Variants in PTPDC1 observed in about 807,000 individuals in gnomAD.
The protein encoded by PTPDC1 is protein tyrosine phosphatase domain containing 1, also known as protein tyrosine phosphatase domain-containing protein 1.
In PTPDC1, 53 loss-of-function variants were observed where a neutral mutation model predicts 75.3. The ratio of observed to expected loss-of-function variants is 0.70; its 90% confidence interval spans 0.56 to 0.88. The LOEUF (loss-of-function observed/expected upper bound fraction) is 0.88. Ranked by LOEUF, PTPDC1 falls within the 40% of genes least tolerant of loss-of-function variation. The pLI is 0.00. For synonymous variants in PTPDC1, 349 were observed against 366.2 expected (o/e 0.95, Z 0.54); for missense variants, 925 against 998.6 (o/e 0.93, Z 0.99).
chr9:94,092,026 A>G (rs1420681846), intron 4 of PTPDC1, among the ~76,000 whole-genome samples: 3 of 146,812 alleles, frequency 2.0e-5, no homozygotes, highest in Non-Finnish European at 4.5e-5. Flanking sequence ...GATCTTTTCA[A>G]AAAACAAGCT....
At position 94,084,598 on chromosome 9, in the gene PTPDC1, G is replaced by A. The variant is rs781076359; in HGVS notation, c.68G>A (p.Arg23His). The change falls in exon 1 of 9, where the codon CGC (arginine) becomes CAC (histidine). Residue 23 changes from arginine to histidine, a missense_variant. Arg to His is a conservative substitution (Grantham distance 29). Transcript: ENST00000620992. ...TTCCTCAGCTCCTTTCTCCAGGGCC[G>A]CCGGCACTCCACCTCAGACCCAGTA... ...VRFLSSFLQG[R>H]RHSTSDPVLR... The A allele has an allele frequency of 4.3e-6, 7 of 1,613,550 alleles. No homozygotes were observed. The highest frequency in any genetic ancestry group is 2.2e-5 in the East Asian group (1 of 44,844).
intron 2 of PTPDC1, among the ~76,000 whole-genome samples, chr9:94,077,784 T>G (rs1290192589): frequency 1.3e-5 from 2 of 152,226 alleles, no homozygotes; most frequent in Non-Finnish European, 1.5e-5. Context: ...AAGCTGGATT[T>G]GGTGCTGAAA....
chr9:94,036,846 A>G (rs1825288682), intron 1 of PTPDC1, among the ~76,000 whole-genome samples: 1 of 152,204 alleles, frequency 6.6e-6, no homozygotes, highest in Non-Finnish European at 1.5e-5. Flanking sequence ...ATTTCTATAC[A>G]TTACAATTCA....
intron 1 of PTPDC1, among the ~76,000 whole-genome samples, chr9:94,036,968 T>G (rs190346443): frequency 6.6e-6 from 1 of 152,242 alleles, no homozygotes; most frequent in Non-Finnish European, 1.5e-5. Context: ...AACATTCTTT[T>G]ATTAAATTTT....
In PTPDC1 at chr9:94,043,549, C is replaced by T. The variant is rs559878877; in HGVS notation, c.-7+12422C>T. 2.9e-4 allele frequency among the ~76,000 whole-genome samples: 44 copies of T among 152,154 alleles called. 1 individual carries two copies. The highest frequency in any genetic ancestry group is 1.0e-3 in the African/African-American group (43 of 41,514). ...CCTAAATTTCTGAAAATGACTCCCC[C>T]CCTCTACAAAAAATACAATAAATGA... On this transcript the variant is annotated intron_variant, in intron 1 of 9. Coordinates refer to the PTPDC1 transcript ENST00000375360.
At chr9:94,075,943 A>G (rs1375657607) in intron 2 of PTPDC1, among the ~76,000 whole-genome samples, 1 of 152,172 alleles carries the variant, frequency 6.6e-6, no homozygotes, top group Non-Finnish European at 1.5e-5. Context: ...GAAGATTATT[A>G]TCACCCCAAA....
rs770263607 is a variant in PTPDC1, at chr9:94,098,265, A to T, written c.1699A>T (p.Lys567Ter). ...PVSPSFANVHKDPNPAHQQVS... is the reference protein window; with the variant it reads ...PVSPSFANVH ...TTCACCCAGCTTTGCAAATGTCCAT[A>T]AGGATCCAAACCCTGCTCACCAGCA... Residue 567 changes from lysine to a stop codon, truncating the protein, a stop_gained, in exon 6 of 9, where the codon AAG becomes TAG. Transcript: ENST00000620992. LOFTEE classifies it high-confidence loss of function. 1 of 1,614,050 alleles carries T rather than the reference A, an allele frequency of 6.2e-7. No individual in the cohort carries two copies. The highest frequency in any genetic ancestry group is 1.3e-5 in the African/African-American group (1 of 74,936).
At chr9:94,074,947 G>A (rs963515066) in intron 2 of PTPDC1, among the ~76,000 whole-genome samples, 1 of 152,186 alleles carries the variant, frequency 6.6e-6, no homozygotes, top group African/African-American at 2.4e-5. Context: ...GGATGAGAAC[G>A]AAGGTTCAGG....
At chr9:94,099,309 C>G (rs1269140303) in intron 6 of PTPDC1, among the ~76,000 whole-genome samples, 1 of 152,178 alleles carries the variant, frequency 6.6e-6, no homozygotes, top group Non-Finnish European at 1.5e-5. Context: ...AAAAGATAGG[C>G]CTTATAAACC....
chr9:94,063,452 C>T (rs1826205372), intron 1 of PTPDC1, among the ~76,000 whole-genome samples: 1 of 152,138 alleles, frequency 6.6e-6, no homozygotes, highest in African/African-American at 2.4e-5. Context: ...ATTTGAAATA[C>T]TATGCACATT....
rs1206141728 is a variant in PTPDC1, at chr9:94,107,987, G to C, written c.*43G>C. 1 of 1,191,090 alleles carries C rather than the reference G, an allele frequency of 8.4e-7. No individual in the cohort carries two copies. Among genetic ancestry groups the C allele is most frequent in the South Asian group, 1.5e-5 (1 of 67,060 alleles). The allele number at this position is 1,191,090 out of a possible 1,614,324, so 73.8% of individuals were successfully genotyped here. A position where few individuals can be genotyped will look rare whatever the true frequency, so the allele number is the denominator to read the frequency against. ...TATTTCAGACCTAAAGATCCAGATA[G>C]TATCTCTGTTCATATGTGAATAAGT... On this transcript the variant is annotated 3_prime_UTR_variant, in exon 9 of 9. Coordinates refer to ENST00000620992, the MANE Select transcript of PTPDC1 (RefSeq NM_001253829.2).
intron 1 of PTPDC1, among the ~76,000 whole-genome samples, chr9:94,038,993 A>G (rs1300791524): frequency 1.3e-5 from 2 of 152,332 alleles, no homozygotes; most frequent in South Asian, 4.1e-4. Flanking sequence ...AATAGTAGCA[A>G]GTTAAACTTC....
intron 1 of PTPDC1, among the ~76,000 whole-genome samples, chr9:94,042,947 C>T (rs1362430401): frequency 6.6e-6 from 1 of 152,210 alleles, no homozygotes; most frequent in Non-Finnish European, 1.5e-5. Context: ...CTTTACTCAT[C>T]CGTAAAAAGC....
chr9:94,106,660 T>C (rs1016601678), intron 8 of PTPDC1, among the ~76,000 whole-genome samples: 1 of 152,206 alleles, frequency 6.6e-6, no homozygotes, highest in African/African-American at 2.4e-5. Context: ...TCAGATCCTT[T>C]ACAGTTGTTG....
chr9:94,041,134 T>C (rs1242911582), intron 1 of PTPDC1, among the ~76,000 whole-genome samples: 1 of 152,218 alleles, frequency 6.6e-6, no homozygotes, highest in Non-Finnish European at 1.5e-5. Context: ...AGCCTTATCA[T>C]GCCAGGATGT....
chr9:94,094,894 C>G (rs900806064), intron 4 of PTPDC1, among the ~76,000 whole-genome samples: 2 of 152,260 alleles, frequency 1.3e-5, no homozygotes, highest in African/African-American at 4.8e-5. Context: ...CCCCTGACCC[C>G]TTGCGCTTCC....
At chr9:94,089,195 CA>C (rs1827191124) in intron 4 of PTPDC1, among the ~76,000 whole-genome samples, 1 of 144,896 alleles carries the variant, frequency 6.9e-6, no homozygotes. Flanking sequence ...CGTCATCTAG[CA>C]TTAGGTATAT....
intron 4 of PTPDC1, among the ~76,000 whole-genome samples, chr9:94,088,486 T>C (rs1827156190): frequency 6.6e-6 from 1 of 152,236 alleles, no homozygotes; most frequent in Non-Finnish European, 1.5e-5. Context: ...GTAGTAATAA[T>C]GATTAACATT....
intron 7 of PTPDC1, among the ~76,000 whole-genome samples, chr9:94,103,931 C>T (rs1485724751): frequency 1.3e-5 from 2 of 152,174 alleles, no homozygotes; most frequent in Non-Finnish European, 2.9e-5. Flanking sequence ...TGACATGTCA[C>T]CATCTACTAG....
Sources: allele counts gnomAD v4.1 joint callset (sites outside exome capture counted in the v4.1 genomes callset), GRCh38; gene constraint gnomAD v4.1.1; transcripts MANE v1.5; gene names NCBI Gene and HGNC (gene_info 2026-07-23, HGNC 2026-07-21).